The following C1QTNF1 variants were observed in gnomAD, a reference collection of about 807,000 sequenced individuals.
C1QTNF1 encodes the protein C1q and TNF related 1, also known as complement C1q tumor necrosis factor-related protein 1.
Under a neutral mutation model 27.8 loss-of-function variants are expected in C1QTNF1, and 22 were observed. That is an observed-to-expected ratio of 0.79 (90% CI 0.56 to 1.13). The LOEUF (loss-of-function observed/expected upper bound fraction) is 1.13. Among genes scored for constraint, C1QTNF1 ranks in the 50% most tolerant of loss-of-function variants. The pLI is 0.00. For missense variants in C1QTNF1, 373 were observed against 380.2 expected, an observed-to-expected ratio of 0.98 and a Z score of 0.16; for synonymous variants, 166 against 154.3, an observed-to-expected ratio of 1.08 and a Z score of -0.56.
At position 79,048,318 on chromosome 17, in the gene C1QTNF1, C is replaced by A. The variant is rs1484725040; in HGVS notation, c.*230C>A. 1.9e-6 allele frequency: 1 copy of A among 522,980 alleles called. No individual in the cohort carries two copies. Among genetic ancestry groups the A allele is most frequent in the Non-Finnish European group, 3.3e-6 (1 of 302,850 alleles). The allele number at this position is 522,980 out of a possible 1,614,324, so 32.4% of individuals were successfully genotyped here. On this transcript the variant is annotated 3_prime_UTR_variant, in exon 4 of 4. Coordinates refer to ENST00000579760, the MANE Select transcript of C1QTNF1 (RefSeq NM_030968.5). ...GGGCACCCGCGAGAACCCTCTGGGACCTTCCGCGGCCCTCTCTGCACACAT... is the reference window on the plus strand; with the variant it reads ...GGGCACCCGCGAGAACCCTCTGGGAACTTCCGCGGCCCTCTCTGCACACAT...
chr17:79,027,022 G>A (rs2071983328), intron 1 of C1QTNF1, among the ~76,000 whole-genome samples: 1 of 151,716 alleles, frequency 6.6e-6, no homozygotes, highest in Admixed American at 6.6e-5. Flanking sequence ...AGATACAGTT[G>A]TGCGCAGGGA....
At chr17:79,039,698 AG>A (rs781015326) in intron 1 of C1QTNF1, among the ~76,000 whole-genome samples, 171 of 152,184 alleles carry the variant, frequency 1.1e-3, no homozygotes, top group Non-Finnish European at 2.1e-3. Flanking sequence ...CAATGGTGCC[AG>A]GGTTGAGAAA....
chr17:79,040,730 CA>C (rs60302649), intron 1 of C1QTNF1, among the ~76,000 whole-genome samples: 1,419 of 56,956 alleles, frequency 0.025, 15 homozygotes, highest in African/African-American at 0.063. Flanking sequence ...TTTGTCTCTA[CA>C]AAAAAAAAAA....
chr17:79,026,186 C>T (rs1029838239), intron 1 of C1QTNF1, among the ~76,000 whole-genome samples: 9 of 151,480 alleles, frequency 5.9e-5, no homozygotes, highest in South Asian at 2.1e-4. Context: ...GACAGAGTTT[C>T]GCTTTTGTCA....
chr17:79,036,679 C>T (rs556769991), intron 1 of C1QTNF1, among the ~76,000 whole-genome samples: 116 of 152,250 alleles, frequency 7.6e-4, no homozygotes, highest in African/African-American at 2.3e-3. Context: ...TAATTGGGTA[C>T]GTGTCTGTTT....
At chr17:79,025,797 C>T in intron 1 of C1QTNF1, 1 of 237,352 alleles carries the variant, frequency 4.2e-6, no homozygotes, top group South Asian at 4.8e-5. Context: ...TGAGGACAAG[C>T]AGAAGCTTCC....
intron 2 of C1QTNF1, among the ~76,000 whole-genome samples, chr17:79,044,643 G>A (rs1038486286): frequency 3.3e-5 from 5 of 152,148 alleles, no homozygotes; most frequent in African/African-American, 1.2e-4. Context: ...AGGTTGTGAA[G>A]GACTCTGGAT....
At chr17:79,025,703 T>C (rs550267890) in intron 1 of C1QTNF1, 525 of 196,712 alleles carry the variant, frequency 2.7e-3, no homozygotes, top group Non-Finnish European at 5.1e-3. Flanking sequence ...CGGGAGGACA[T>C]GGGAGGACGT....
intron 1 of C1QTNF1, among the ~76,000 whole-genome samples, chr17:79,036,410 G>C (rs530371795): frequency 6.6e-6 from 1 of 152,142 alleles, no homozygotes; most frequent in Non-Finnish European, 1.5e-5. Flanking sequence ...CCTGGGCTCA[G>C]GCGATCCTCC....
At chr17:79,032,575 G>A (rs939230161) in intron 1 of C1QTNF1, among the ~76,000 whole-genome samples, 13 of 152,156 alleles carry the variant, frequency 8.5e-5, no homozygotes, top group Admixed American at 3.3e-4. Flanking sequence ...GGAGAGGAGA[G>A]GAGACCTGCA....
Position 79,047,992 on chromosome 17 carries a change from C to G in C1QTNF1, c.750C>G (p.Leu250=). The part of the protein sequence containing the change: ...LREQDQVWVR[L]YKGERENAIF... ...AGCAGGACCAGGTGTGGGTACGCCTCTACAAGGGCGAACGTGAGAACGCCA... is the reference window on the plus strand; with the variant it reads ...AGCAGGACCAGGTGTGGGTACGCCTGTACAAGGGCGAACGTGAGAACGCCA... Residue 250 remains leucine (L), a synonymous_variant, in exon 4 of 4, where the codon CTC becomes CTG. Transcript: ENST00000579760. 6.2e-7 allele frequency: 1 copy of G among 1,612,640 alleles called. No individual in the cohort carries two copies. The highest frequency in any genetic ancestry group is 8.5e-7 in the Non-Finnish European group (1 of 1,179,674).
intron 2 of C1QTNF1, 141 bp downstream of exon 2, chr17:79,044,264 C>T: frequency 1.0e-6 from 1 of 993,368 alleles, no homozygotes; most frequent in Non-Finnish European, 1.4e-6. Flanking sequence ...CTGCTGGAGG[C>T]TGGTCCTGCA....
rs2072587369 is a variant in C1QTNF1, at chr17:79,046,792, G to C, written c.295+98G>C. The C allele has an allele frequency of 2.0e-6, 3 of 1,484,956 alleles. No individual in the cohort carries two copies. In the African/African-American group the frequency reaches 4.2e-5, roughly 21 times the overall value. 92.0% of individuals were successfully genotyped at this position (1,484,956 alleles called of 1,614,324 possible). On this transcript the variant is annotated intron_variant, in intron 3 of 3. Coordinates refer to ENST00000579760, the MANE Select transcript of C1QTNF1 (RefSeq NM_030968.5). This position sits in a 1 kb window ranked among gnomAD's most constrained non-coding sequence, Gnocchi z 4.8. ...GTTAGGGTGGGGCTAGGCGAGAGCA[G>C]AATGGCTCCCTCGGGACAGGGAGCA...
intron 1 of C1QTNF1, among the ~76,000 whole-genome samples, chr17:79,036,006 A>G (rs1463408603): frequency 6.6e-6 from 1 of 152,150 alleles, no homozygotes; most frequent in Non-Finnish European, 1.5e-5. Context: ...ATGAGAGGAA[A>G]GGGTCTAAAC....
chr17:79,039,911 T>C (rs993064482), intron 1 of C1QTNF1, among the ~76,000 whole-genome samples: 1 of 152,138 alleles, frequency 6.6e-6, no homozygotes, highest in Non-Finnish European at 1.5e-5. Flanking sequence ...AAAATCTCTT[T>C]TCCTTTTAAC....
chr17:79,037,668 A>AATT lies in C1QTNF1; in HGVS notation c.-14-6270_-14-6268dup, dbSNP rs969392839. On this transcript the variant is annotated intron_variant, in intron 1 of 3. Transcript: ENST00000579760. ...GCTAAGAGGCCTGTGGAGGGATAAA[A>AATT]ATTATTATTATTATTATTACCACAG... Among the ~76,000 whole-genome samples, 35 of 151,952 alleles carry AATT rather than the reference A, an allele frequency of 2.3e-4. No individual in the cohort carries two copies. In the South Asian group the frequency reaches 4.0e-3, roughly 17 times the overall value.
At position 79,028,044 on chromosome 17, in the gene C1QTNF1, C is replaced by T. The variant is rs537654874; in HGVS notation, c.-15+3550C>T. 2.6e-4 allele frequency among the ~76,000 whole-genome samples: 40 copies of T among 152,312 alleles called. 1 individual carries two copies. The highest frequency in any genetic ancestry group is 4.4e-4 in the Non-Finnish European group (30 of 68,014). ...ATCCTGTCCAGGACGGCCGTCGGGA[C>T]GGCTGTGGCCGGGCCGGTGTCTGCC... On this transcript the variant is annotated intron_variant, in intron 1 of 3. Coordinates refer to ENST00000579760, the MANE Select transcript of C1QTNF1 (RefSeq NM_030968.5).
intron 1 of C1QTNF1, among the ~76,000 whole-genome samples, chr17:79,042,895 G>A (rs1250046961): frequency 1.3e-5 from 2 of 152,222 alleles, no homozygotes; most frequent in African/African-American, 2.4e-5. Flanking sequence ...GCATGTGAAT[G>A]TGTTGAGAGT....
chr17:79,027,090 G>C (rs1457677016), intron 1 of C1QTNF1, among the ~76,000 whole-genome samples: 1 of 149,346 alleles, frequency 6.7e-6, no homozygotes, highest in African/African-American at 2.5e-5. Context: ...GCGGGGGGGG[G>C]CTGTGGCTGA....
Sources: allele counts gnomAD v4.1 joint callset (sites outside exome capture counted in the v4.1 genomes callset), GRCh38; gene constraint gnomAD v4.1.1; non-coding constraint Gnocchi (gnomAD v3.1); transcripts MANE v1.5; gene names NCBI Gene and HGNC (gene_info 2026-07-23, HGNC 2026-07-21).